METTL8: variants seen among roughly 807,000 people sequenced by gnomAD.
The protein encoded by METTL8 is methyltransferase 8, tRNA N3-cytidine, also known as tRNA N(3)-cytidine methyltransferase METTL8, mitochondrial.
In METTL8, 32 loss-of-function variants were observed where a neutral mutation model predicts 48.7. That is an observed-to-expected ratio of 0.66 (90% CI 0.50 to 0.88). The LOEUF is 0.88. Ranked by LOEUF, METTL8 falls within the 40% of genes least tolerant of loss-of-function variation. The probability of loss-of-function intolerance (pLI) is 0.00; values close to 1 mark genes in which losing one functional copy is unlikely to be tolerated. For missense variants in METTL8, 464 were observed against 474.4 expected (o/e 0.98, Z 0.20); for synonymous variants, 136 against 157.1 (o/e 0.87, Z 1.01).
intron 4 of METTL8, among the ~76,000 whole-genome samples, chr2:171,337,923 C>T (rs1435744673): frequency 6.6e-6 from 1 of 151,840 alleles, no homozygotes; most frequent in African/African-American, 2.4e-5. Flanking sequence ...AAACAAGGTA[C>T]AATTTTTGTC....
At chr2:171,423,801 G>C (rs1692121208) in intron 1 of METTL8, among the ~76,000 whole-genome samples, 1 of 152,208 alleles carries the variant, frequency 6.6e-6, no homozygotes, top group South Asian at 2.1e-4. Context: ...CATATTCTGG[G>C]GAGAAATTCA....
intron 1 of METTL8, among the ~76,000 whole-genome samples, chr2:171,418,860 T>C (rs1380947861): frequency 1.3e-5 from 2 of 151,886 alleles, no homozygotes; most frequent in Non-Finnish European, 2.9e-5. Flanking sequence ...GAGGCTGAGG[T>C]GGGAAGACTG....
At chr2:171,378,261 A>G (rs1384349310) in intron 2 of METTL8, among the ~76,000 whole-genome samples, 1 of 152,270 alleles carries the variant, frequency 6.6e-6, no homozygotes, top group East Asian at 1.9e-4. Flanking sequence ...GTAAATGGAC[A>G]GCAGAAAAAA....
At chr2:171,400,219 A>T (rs766353249) in intron 1 of METTL8, among the ~76,000 whole-genome samples, 1 of 152,162 alleles carries the variant, frequency 6.6e-6, no homozygotes, top group Non-Finnish European at 1.5e-5. Flanking sequence ...AAATTGATAG[A>T]GATTCAATTC....
intron 1 of METTL8, among the ~76,000 whole-genome samples, chr2:171,404,078 T>TG: frequency 8.6e-6 from 1 of 116,856 alleles, no homozygotes; most frequent in African/African-American, 3.5e-5. Context: ...TATATATATA[T>TG]ATATATATAT....
chr2:171,384,548 G>A (rs1687863560), intron 2 of METTL8, among the ~76,000 whole-genome samples: 2 of 151,168 alleles, frequency 1.3e-5, no homozygotes, highest in Non-Finnish European at 2.9e-5. Context: ...TGAAAGACTA[G>A]ACCAACTGTG....
intron 3 of METTL8, among the ~76,000 whole-genome samples, chr2:171,350,467 G>T (rs1683785000): frequency 6.6e-6 from 1 of 152,006 alleles, no homozygotes; most frequent in Non-Finnish European, 1.5e-5. Flanking sequence ...TAATCCTTTG[G>T]GTATATACCC....
intron 3 of METTL8, among the ~76,000 whole-genome samples, chr2:171,358,003 G>A (rs1178011): frequency 1 from 151,844 of 152,148 alleles, 75,770 homozygotes; most frequent in Middle Eastern, 1. Context: ...GGCCCCTAAA[G>A]TTTTTATAGA....
chr2:171,434,040 C>A (rs188460268), upstream of METTL8: 27 of 287,294 alleles, frequency 9.4e-5, no homozygotes, highest in African/African-American at 6.2e-4. Flanking sequence ...ACACACGGGG[C>A]GGAGACCTGG....
At chr2:171,414,412 C>T (rs1247297176) in intron 1 of METTL8, among the ~76,000 whole-genome samples, 2 of 144,122 alleles carry the variant, frequency 1.4e-5, no homozygotes, top group Admixed American at 6.9e-5. Context: ...AGCGAAACTC[C>T]GTCTCAAAAA....
chr2:171,382,905 T>A (rs1687706315), intron 2 of METTL8, among the ~76,000 whole-genome samples: 1 of 151,864 alleles, frequency 6.6e-6, no homozygotes, highest in African/African-American at 2.4e-5. Context: ...AAACCCCATC[T>A]CTACTAAAAA....
chr2:171,349,130 C>T (rs1683604569), intron 3 of METTL8, among the ~76,000 whole-genome samples: 1 of 152,046 alleles, frequency 6.6e-6, no homozygotes, highest in South Asian at 2.1e-4. Flanking sequence ...TAACTACATA[C>T]CAATTAAATG....
At chr2:171,419,200 G>A (rs1457064607) in intron 1 of METTL8, among the ~76,000 whole-genome samples, 1 of 152,050 alleles carries the variant, frequency 6.6e-6, no homozygotes, top group East Asian at 1.9e-4. Flanking sequence ...TTAGAGAATG[G>A]TCTGGGCACC....
At position 171,392,062 on chromosome 2, in the gene METTL8, C is replaced by T; in HGVS notation, c.124G>A (p.Val42Ile). 2.6e-6 allele frequency: 4 copies of T among 1,551,438 alleles called. No individual in the cohort carries two copies. The highest frequency in any genetic ancestry group is 3.5e-6 in the Non-Finnish European group (4 of 1,146,898). Residue 42 changes from valine to isoleucine, a missense_variant, in exon 2 of 10, where the codon GTT becomes ATT. Coordinates refer to ENST00000375258, the MANE Select transcript of METTL8 (RefSeq NM_001321154.2). ...ACTCACCACATGTTGTGTTCAAAAACTTTGGCTGGGTCAGTTAAAATCCTT... is the reference window on the plus strand; with the variant it reads ...ACTCACCACATGTTGTGTTCAAAAATTTTGGCTGGGTCAGTTAAAATCCTT... Reference protein sequence around the residue: ...GSRILTDPAKVFEHNMWDHMQ... With the variant: ...GSRILTDPAKIFEHNMWDHMQ...
At chr2:171,398,451 T>C (rs537295465) in intron 1 of METTL8, among the ~76,000 whole-genome samples, 6 of 151,706 alleles carry the variant, frequency 4.0e-5, no homozygotes, top group African/African-American at 1.5e-4. Flanking sequence ...GTTCCTAGAG[T>C]AGTCAAACCG....
At chr2:171,350,325 G>A (rs1214560648) in intron 3 of METTL8, among the ~76,000 whole-genome samples, 2 of 152,172 alleles carry the variant, frequency 1.3e-5, no homozygotes, top group Non-Finnish European at 2.9e-5. Flanking sequence ...GTATTCCACG[G>A]TGTATATGTG....
intron 2 of METTL8, among the ~76,000 whole-genome samples, chr2:171,379,073 ACAAT>A (rs1210633585): frequency 7.9e-5 from 12 of 152,230 alleles, no homozygotes; most frequent in Admixed American, 4.6e-4. Context: ...AGACCACATT[ACAAT>A]CAAATTAGAA....
intron 1 of METTL8, among the ~76,000 whole-genome samples, chr2:171,421,448 TC>T (rs1226494629): frequency 5.5e-3 from 13 of 2,376 alleles, no homozygotes; most frequent in South Asian, 0.045. Context: ...AGACCTTACT[TC>T]AAAAAAAAAA....
chr2:171,414,059 T>A (rs1197218633), intron 1 of METTL8, among the ~76,000 whole-genome samples: 2 of 152,216 alleles, frequency 1.3e-5, no homozygotes, highest in Non-Finnish European at 2.9e-5. Context: ...ATACAAATAT[T>A]AATTTTTAGA....
Sources: allele counts gnomAD v4.1 joint callset (sites outside exome capture counted in the v4.1 genomes callset), GRCh38; gene constraint gnomAD v4.1.1; transcripts MANE v1.5; gene names NCBI Gene and HGNC (gene_info 2026-07-23, HGNC 2026-07-21).